The following DEDD variants were observed in gnomAD, a reference collection of about 807,000 sequenced individuals.
DEDD encodes the protein death effector domain containing.
In DEDD, 3 loss-of-function variants were observed where a neutral mutation model predicts 29.2. The ratio of observed to expected loss-of-function variants is 0.10; its 90% CI spans 0.05 to 0.27. DEDD has a LOEUF of 0.27. DEDD is among the 10% of genes least tolerant of loss of function. The pLI, the probability that DEDD is intolerant of heterozygous loss-of-function variation, is 1.00. For synonymous variants in DEDD, 152 were observed against 161.3 expected (o/e 0.94, Z 0.44); for missense variants, 261 against 420.5 (o/e 0.62, Z 3.32).
rs775789188 is a variant in DEDD, at chr1:161,122,234, G to T, written c.870C>A (p.Ile290=). ...SLKQAVGHEA[I]KLLVNVDEED... is the part of the protein sequence containing the mutation. ...CCTCGTCTACATTTACCAGCAGCTT[G>T]ATGGCTTCATGGCCCACAGCTTGCT... is the stretch of plus-strand genomic sequence containing the variant. The change falls in exon 6 of 6, where the codon ATC becomes ATA. Residue 290 remains isoleucine (I), a synonymous_variant. Transcript: ENST00000368006. This position sits in a 1 kb window ranked among gnomAD's most constrained non-coding sequence, Gnocchi z 4.2. 5 of 1,614,096 alleles carry T rather than the reference G, an allele frequency of 3.1e-6. No homozygotes were observed. The highest frequency in any genetic ancestry group is 4.2e-6 in the Non-Finnish European group (5 of 1,180,054).
In DEDD at chr1:161,132,638, A is replaced by AGCCGCC. The variant is rs534289963; in HGVS notation, c.-191_-186dup. On this transcript the variant is annotated 5_prime_UTR_variant, in exon 1 of 6. Transcript: ENST00000368006. The stretch of plus-strand genomic sequence containing the variant: ...CACGGCGCCGCATCCGGGCTCCAGC[A>AGCCGCC]GCCGCCGCCGCCGCCGCCGCCGCGG... 1.4e-3 allele frequency: 241 copies of AGCCGCC among 166,888 alleles called. 1 individual carries two copies. Among genetic ancestry groups the AGCCGCC allele is most frequent in the Non-Finnish European group, 2.1e-3 (166 of 79,890 alleles). 10.3% of individuals were successfully genotyped at this position (166,888 alleles called of 1,614,324 possible).
chr1:161,122,076 A>C lies in DEDD; in HGVS notation c.*71T>G, dbSNP rs944124275. 48 of 1,539,846 alleles carry C rather than the reference A, an allele frequency of 3.1e-5. No homozygotes were observed. The highest frequency in any genetic ancestry group is 4.1e-5 in the Non-Finnish European group (47 of 1,143,360). The stretch of plus-strand genomic sequence containing the variant: ...GTGATTGGTTGGAAGGGTAGAGAAC[A>C]AACCCCAGAACAGTGTAAGCTCCAG... On this transcript the variant is annotated 3_prime_UTR_variant, in exon 6 of 6. Transcript: ENST00000368006. The surrounding 1 kb of genome is among the most constrained non-coding windows in gnomAD (Gnocchi z 4.2).
At chr1:161,124,006 A>G (rs1243922927) in intron 3 of DEDD, 60 bp from the exon 4 acceptor site, 1 of 1,593,970 alleles carries the variant, frequency 6.3e-7, no homozygotes, top group Non-Finnish European at 8.5e-7. Flanking sequence ...GTCAGTCCAA[A>G]CCCCCAGTGG....
chr1:161,123,297 A>C, intron 4 of DEDD, 76 bp from the exon 5 acceptor site: 2 of 1,404,748 alleles, frequency 1.4e-6, no homozygotes, highest in South Asian at 1.2e-5. Flanking sequence ...GGAATGAGGA[A>C]GGAATCATTT....
Position 161,121,052 on chromosome 1 carries a change from T to C in DEDD, c.*1095A>G. ...TGAGCAGCACTGGCATTGAAAAATA[T>C]AATAATCATAAAGTCTGTGTCTGGA... On this transcript the variant is annotated 3_prime_UTR_variant, in exon 6 of 6. Transcript: ENST00000368006. 3 of 1,271,712 alleles carry C rather than the reference T, an allele frequency of 2.4e-6. No homozygotes were observed. The highest frequency in any genetic ancestry group is 1.8e-5 in the South Asian group (1 of 55,256). The allele number at this position is 1,271,712 out of a possible 1,614,324, so 78.8% of individuals were successfully genotyped here.
At chr1:161,129,685 T>A (rs1656515382) in intron 2 of DEDD, among the ~76,000 whole-genome samples, 1 of 152,082 alleles carries the variant, frequency 6.6e-6, no homozygotes, top group Admixed American at 6.6e-5. Context: ...ATACAGAGAT[T>A]CTAGATGACA....
chr1:161,132,491 C>G (rs1656777836), intron 1 of DEDD, 60 bp downstream of exon 1: 1 of 154,514 alleles, frequency 6.5e-6, no homozygotes, highest in Non-Finnish European at 1.5e-5. Flanking sequence ...GCGGCCCCGC[C>G]CGGCCCCGCC....
rs777136200 is a variant in DEDD, at chr1:161,124,162, C to T, written c.301G>A (p.Val101Ile). Residue 101 changes from valine to isoleucine, a missense_variant, in exon 3 of 6, where the codon GTC (valine) becomes ATC (isoleucine). Val to Ile is a conservative substitution (Grantham distance 29). Around this residue, in one of 2 missense-constraint regions of DEDD, gnomAD observed 203 missense variants for 268.7 expected, o/e 0.76. Transcript: ENST00000368006. ...IITRHDLLPY[V>I]TLKRRRAVCP... ...CCAGCCCGTCTCCTCTTGAGGGTGA[C>T]GTAGGGCAGCAGGTCGTGGCGAGTG... is the stretch of plus-strand genomic sequence containing the variant. The T allele has an allele frequency of 1.3e-5, 21 of 1,613,714 alleles. No individual in the cohort carries two copies. The highest frequency in any genetic ancestry group is 2.2e-5 in the East Asian group (1 of 44,872).
intron 2 of DEDD, among the ~76,000 whole-genome samples, chr1:161,126,781 CTA>C (rs1156577282): frequency 6.6e-6 from 1 of 152,124 alleles, no homozygotes; most frequent in Admixed American, 6.5e-5. Context: ...TGCAATTTCT[CTA>C]TACCTTCTTC....
At chr1:161,127,785 G>A (rs988452085) in intron 2 of DEDD, among the ~76,000 whole-genome samples, 1 of 152,192 alleles carries the variant, frequency 6.6e-6, no homozygotes, top group African/African-American at 2.4e-5. Context: ...CCTCCTCAGA[G>A]CCCCTGCAAC....
Position 161,121,149 on chromosome 1 carries a change from G to A in DEDD, c.*998C>T, listed in dbSNP as rs1655449846. 1 of 1,064,086 alleles carries A rather than the reference G, an allele frequency of 9.4e-7. No individual in the cohort carries two copies. The highest frequency in any genetic ancestry group is 5.0e-5 in the Admixed American group (1 of 20,154). 65.9% of individuals were successfully genotyped at this position (1,064,086 alleles called of 1,614,324 possible). On this transcript the variant is annotated 3_prime_UTR_variant, in exon 6 of 6. Transcript: ENST00000368006. ...ACTAAGCTCCAGTTCTAGACCTCCTGGCTCATTCAACATGCCTCCCTACCT... is the reference window on the plus strand; with the variant it reads ...ACTAAGCTCCAGTTCTAGACCTCCTAGCTCATTCAACATGCCTCCCTACCT...
Position 161,122,126 on chromosome 1 carries a change from A to G in DEDD, c.*21T>C. ...GAGGTGGGTGATGGGAACAGTCCCC[A>G]AAGTGAGAAGAGGGAATAGGTCAGG... On this transcript the variant is annotated 3_prime_UTR_variant, in exon 6 of 6. Coordinates refer to ENST00000368006, the MANE Select transcript of DEDD (RefSeq NM_032998.3). This position sits in a 1 kb window ranked among gnomAD's most constrained non-coding sequence, Gnocchi z 4.2. The G allele has an allele frequency of 6.2e-7, 1 of 1,610,564 alleles. No homozygotes were observed. The highest frequency in any genetic ancestry group is 8.5e-7 in the Non-Finnish European group (1 of 1,178,724).
In DEDD at chr1:161,121,893, G is replaced by A. The variant is rs781198986; in HGVS notation, c.*254C>T. The A allele has an allele frequency of 2.2e-6, 1 of 450,144 alleles. No individual in the cohort carries two copies. The highest frequency in any genetic ancestry group is 3.4e-5 in the South Asian group (1 of 29,172). 27.9% of individuals were successfully genotyped at this position (450,144 alleles called of 1,614,324 possible). A position where few individuals can be genotyped will look rare whatever the true frequency, so the allele number is the denominator to read the frequency against. ...GCTTCTTCCTATACATTTGTCTTAC[G>A]GCTCAGTGGTAAGGTAGCTGTAGAG... On this transcript the variant is annotated 3_prime_UTR_variant, in exon 6 of 6. Transcript: ENST00000368006.
At chr1:161,126,219 A>C (rs941419173) in intron 2 of DEDD, among the ~76,000 whole-genome samples, 1 of 151,880 alleles carries the variant, frequency 6.6e-6, no homozygotes, top group Non-Finnish European at 1.5e-5. Flanking sequence ...ATCTTAACCT[A>C]CCTAAATCCA....
At chr1:161,130,418 C>G (rs1229689024) in intron 2 of DEDD, among the ~76,000 whole-genome samples, 1 of 152,088 alleles carries the variant, frequency 6.6e-6, no homozygotes. Context: ...AGGAACCCCC[C>G]AACAGCTGAA....
chr1:161,127,071 T>C (rs371755768), intron 2 of DEDD, among the ~76,000 whole-genome samples: 27 of 152,350 alleles, frequency 1.8e-4, no homozygotes, highest in African/African-American at 6.5e-4. Flanking sequence ...TGGAGAGATA[T>C]ATTCATCTTT....
At chr1:161,126,645 C>G (rs1299461100) in intron 2 of DEDD, among the ~76,000 whole-genome samples, 1 of 152,030 alleles carries the variant, frequency 6.6e-6, no homozygotes, top group Non-Finnish European at 1.5e-5. Flanking sequence ...CCTGGCCGAA[C>G]ACTCCAAATT....
At chr1:161,128,176 G>T (rs1656343094) in intron 2 of DEDD, among the ~76,000 whole-genome samples, 2 of 152,160 alleles carry the variant, frequency 1.3e-5, no homozygotes, top group South Asian at 4.1e-4. Context: ...TTAGGTCAGT[G>T]GTTCTGAACC....
rs998280227 is a variant in DEDD at position 161,121,742 on chromosome 1, A to T, written c.*405T>A. 6.0e-6 allele frequency: 1 copy of T among 165,402 alleles called. No individual in the cohort carries two copies. The highest frequency in any genetic ancestry group is 1.6e-4 in the East Asian group (1 of 6,066). 10.2% of individuals were successfully genotyped at this position (165,402 alleles called of 1,614,324 possible). A position where few individuals can be genotyped will look rare whatever the true frequency, so the allele number is the denominator to read the frequency against. On this transcript the variant is annotated 3_prime_UTR_variant, in exon 6 of 6. Coordinates refer to ENST00000368006, the MANE Select transcript of DEDD (RefSeq NM_032998.3). ...CTTTCCACATAGCTCCCTTACTCAC[A>T]GCCCTTTGGTTTTTTAGACAAAATT...
Sources: allele counts gnomAD v4.1 joint callset (sites outside exome capture counted in the v4.1 genomes callset), GRCh38; gene constraint gnomAD v4.1.1; regional missense constraint gnomAD v4.1.1; non-coding constraint Gnocchi (gnomAD v3.1); transcripts MANE v1.5; gene names NCBI Gene and HGNC (gene_info 2026-07-23, HGNC 2026-07-21).